Variants in TNS1 observed in about 807,000 individuals in gnomAD.
The protein encoded by TNS1 is tensin-1.
In TNS1, 62 loss-of-function variants were observed where a neutral mutation model predicts 168.6. The observed-to-expected ratio is 0.37, with a 90% CI of 0.30 to 0.45. The LOEUF (loss-of-function observed/expected upper bound fraction) is 0.45, where lower values mean the gene tolerates loss of function less well. TNS1 is among the 20% of genes least tolerant of loss of function. The pLI, the probability that TNS1 is intolerant of heterozygous loss-of-function variation, is 1.00. For synonymous variants in TNS1, 934 were observed against 933.2 expected (o/e 1.00, Z -0.02); for missense variants, 2,240 against 2,339.4 (o/e 0.96, Z 0.88).
chr2:218,029,308 CA>C (rs66545511), intron 1 of TNS1, among the ~76,000 whole-genome samples: 52,707 of 152,162 alleles, frequency 0.35, 10,357 homozygotes, highest in Middle Eastern at 0.5. Context: ...AGGCATCCCT[CA>C]CCCCCATCAA....
At chr2:217,981,713 T>C (rs1958052612) in intron 2 of TNS1, among the ~76,000 whole-genome samples, 1 of 152,136 alleles carries the variant, frequency 6.6e-6, no homozygotes. Flanking sequence ...GCTTGCTGAG[T>C]TTCCTCCAGG....
intron 12 of TNS1, 82 bp downstream of exon 12, chr2:217,890,880 T>C: frequency 6.8e-7 from 1 of 1,476,814 alleles, no homozygotes; most frequent in Admixed American, 1.7e-5. Flanking sequence ...AGCTATCCCA[T>C]CCCTGTGAGT....
intron 3 of TNS1, among the ~76,000 whole-genome samples, chr2:217,966,469 A>C (rs1212345039): frequency 6.6e-6 from 1 of 152,198 alleles, no homozygotes; most frequent in African/African-American, 2.4e-5. Context: ...AGCTGAAGCC[A>C]GAAGAACAGA....
chr2:217,946,199 C>G (rs2125960482), intron 3 of TNS1, among the ~76,000 whole-genome samples: 1 of 152,314 alleles, frequency 6.6e-6, no homozygotes, highest in South Asian at 2.1e-4. Flanking sequence ...AATTCAGAAG[C>G]CATCCTCCCT....
In TNS1 at chr2:217,886,764, A is replaced by G. The variant is rs539437654; in HGVS notation, c.867-118T>C. The G allele has an allele frequency of 4.3e-5, 33 of 774,336 alleles. No homozygotes were observed. The South Asian group carries it at 5.5e-4, about 13-fold the overall frequency. The allele number at this position is 774,336 out of a possible 1,614,324, so 48.0% of individuals were successfully genotyped here. On this transcript the variant is annotated intron_variant, in intron 12 of 32. Transcript: ENST00000682258. The stretch of plus-strand genomic sequence containing the variant: ...ACTCACCTACTCTACCCTCTCCCCA[A>G]CCAACATGGTCCCCCTCCCCAACCA...
chr2:217,892,488 G>C (rs528767322), intron 11 of TNS1, among the ~76,000 whole-genome samples: 1 of 152,314 alleles, frequency 6.6e-6, no homozygotes, highest in South Asian at 2.1e-4. Context: ...GTCAGTGACT[G>C]GATGTTCTTT....
intron 19 of TNS1, among the ~76,000 whole-genome samples, chr2:217,847,283 T>A (rs1946781894): frequency 6.6e-6 from 1 of 152,232 alleles, no homozygotes; most frequent in Non-Finnish European, 1.5e-5. Context: ...GTAAATTTCT[T>A]GAGGGCAGGA....
intron 28 of TNS1, among the ~76,000 whole-genome samples, chr2:217,811,429 A>G (rs1194188108): frequency 6.6e-6 from 1 of 152,218 alleles, no homozygotes; most frequent in East Asian, 1.9e-4. Context: ...TAATTCAATG[A>G]ACTGAATTGG....
chr2:218,012,613 AG>A (rs1958715729), upstream of TNS1, among the ~76,000 whole-genome samples: 1 of 152,144 alleles, frequency 6.6e-6, no homozygotes, highest in Non-Finnish European at 1.5e-5. Context: ...AGGGTATCCC[AG>A]CTTCCCACTT....
chr2:217,980,111 T>C (rs1313972553), intron 2 of TNS1, among the ~76,000 whole-genome samples: 10 of 152,124 alleles, frequency 6.6e-5, no homozygotes, highest in Non-Finnish European at 1.3e-4. Context: ...GAAAGGGACC[T>C]TGGCCACTGG....
intron 4 of TNS1, among the ~76,000 whole-genome samples, chr2:217,919,212 G>A (rs370001599): frequency 6.6e-6 from 1 of 152,240 alleles, no homozygotes; most frequent in Admixed American, 6.5e-5. Flanking sequence ...TACAGCAAGT[G>A]GATATTGATG....
intron 4 of TNS1, among the ~76,000 whole-genome samples, chr2:217,919,902 C>T (rs981782411): frequency 6.6e-6 from 1 of 152,148 alleles, no homozygotes; most frequent in African/African-American, 2.4e-5. Flanking sequence ...CTCTGAGTCC[C>T]GGGACAACAG....
chr2:217,832,985 G>A (rs529918038), intron 21 of TNS1, among the ~76,000 whole-genome samples: 1 of 152,016 alleles, frequency 6.6e-6, no homozygotes, highest in East Asian at 1.9e-4. Flanking sequence ...TTCTACCACC[G>A]CCACACCCCC....
At chr2:217,839,459 T>C (rs897214729) in intron 19 of TNS1, among the ~76,000 whole-genome samples, 2 of 151,956 alleles carry the variant, frequency 1.3e-5, no homozygotes, top group African/African-American at 2.4e-5. Context: ...GAGGCGTCAC[T>C]CTTCTGCCAG....
chr2:218,022,762 G>A (rs1475710026), intron 1 of TNS1, among the ~76,000 whole-genome samples: 1 of 151,856 alleles, frequency 6.6e-6, no homozygotes, highest in African/African-American at 2.4e-5. Context: ...AGGGCTTAGG[G>A]GGAAGGGGCA....
upstream of TNS1, among the ~76,000 whole-genome samples, chr2:218,005,085 C>T (rs889029441): frequency 3.3e-5 from 5 of 152,244 alleles, no homozygotes; most frequent in Admixed American, 1.3e-4. Flanking sequence ...TGTCCCCTGA[C>T]AAGTTCAAGC....
intron 6 of TNS1, chr2:217,901,954 C>G (rs1368748980): frequency 6.6e-6 from 1 of 152,442 alleles, no homozygotes; most frequent in African/African-American, 2.4e-5. Context: ...CCAGCTGCCT[C>G]GGACCAATGA....
chr2:217,928,626 C>T (rs1450599243), intron 3 of TNS1, among the ~76,000 whole-genome samples: 2 of 152,156 alleles, frequency 1.3e-5, no homozygotes, highest in Non-Finnish European at 1.5e-5. Context: ...GGACCCAGAA[C>T]CTGAAGCAGA....
chr2:217,972,901 T>C (rs907322874), intron 3 of TNS1, among the ~76,000 whole-genome samples: 5 of 152,144 alleles, frequency 3.3e-5, no homozygotes, highest in African/African-American at 1.2e-4. Flanking sequence ...AACTTTTCTG[T>C]AAACCTAAGA....
Sources: allele counts gnomAD v4.1 joint callset (sites outside exome capture counted in the v4.1 genomes callset), GRCh38; gene constraint gnomAD v4.1.1; transcripts MANE v1.5; gene names NCBI Gene and HGNC (gene_info 2026-07-23, HGNC 2026-07-21).